Variants in NOS1 observed in about 807,000 individuals in gnomAD.
The protein encoded by NOS1 is nitric oxide synthase 1.
A neutral mutation model predicts 164.5 loss-of-function variants in NOS1; 51 were observed. That is an observed-to-expected ratio of 0.31 (90% CI 0.25 to 0.39). NOS1 has a LOEUF of 0.39. NOS1 is among the 10% of genes least tolerant of loss of function. The probability of loss-of-function intolerance (pLI) is 1.00; values close to 1 mark genes in which losing one functional copy is unlikely to be tolerated. For synonymous variants in NOS1, 719 were observed against 745.8 expected (o/e 0.96, Z 0.59); for missense variants, 1,362 against 1,885.6 (o/e 0.72, Z 5.14).
chr12:117,292,088 C>G (rs1325725048), intron 3 of NOS1, among the ~76,000 whole-genome samples: 2 of 152,008 alleles, frequency 1.3e-5, no homozygotes. Context: ...TTATTGAGCA[C>G]CTATTATAAT....
chr12:117,227,334 T>G, intron 23 of NOS1, 97 bp downstream of exon 23: 5 of 1,134,868 alleles, frequency 4.4e-6, no homozygotes, highest in Non-Finnish European at 5.1e-6. Flanking sequence ...TTCCCAGGGA[T>G]TTGGGATTTA....
intron 1 of NOS1, among the ~76,000 whole-genome samples, chr12:117,338,576 C>T (rs1875950855): frequency 6.6e-6 from 1 of 151,838 alleles, no homozygotes; most frequent in Admixed American, 6.6e-5. Flanking sequence ...AACTAACCTG[C>T]ACATTGTGCA....
intron 22 of NOS1, among the ~76,000 whole-genome samples, chr12:117,228,726 C>T (rs896465538): frequency 6.6e-6 from 1 of 152,136 alleles, no homozygotes; most frequent in Non-Finnish European, 1.5e-5. Context: ...CAAAGATTTT[C>T]ACCATGTTCC....
intron 3 of NOS1, among the ~76,000 whole-genome samples, chr12:117,309,882 C>T (rs11068447): frequency 0.14 from 20,672 of 152,138 alleles, 1,634 homozygotes; most frequent in East Asian, 0.26. Context: ...GCCCAACAAT[C>T]CCACTTCTAG....
At chr12:117,244,259 T>G (rs546813264) in intron 18 of NOS1, among the ~76,000 whole-genome samples, 4 of 152,308 alleles carry the variant, frequency 2.6e-5, no homozygotes, top group African/African-American at 9.6e-5. Flanking sequence ...TATTTATTTA[T>G]TTAAGACAGA....
chr12:117,331,034 C>A lies in NOS1; in HGVS notation c.36G>T (p.Gln12His), dbSNP rs569264110. ...AGAGACGAACAGAAATGACATTGGGCTGGATTTGCTGAACACCGAACATGT... is the reference window on the plus strand; with the variant it reads ...AGAGACGAACAGAAATGACATTGGGATGGATTTGCTGAACACCGAACATGT... ...EDHMFGVQQI[Q>H]PNVISVRLFK... Residue 12 changes from glutamine to histidine, a missense_variant, in exon 2 of 29, where the codon CAG becomes CAT. Around this residue, in one of 4 missense-constraint regions of NOS1, gnomAD observed 362 missense variants for 402.0 expected, o/e 0.90. Coordinates refer to ENST00000317775, the MANE Select transcript of NOS1 (RefSeq NM_000620.5). The A allele has an allele frequency of 1.2e-6, 2 of 1,613,722 alleles. No individual in the cohort carries two copies. Among genetic ancestry groups the A allele is most frequent in the Admixed American group, 3.3e-5 (2 of 60,016 alleles).
At chr12:117,224,521 G>A (rs533062800) in intron 25 of NOS1, among the ~76,000 whole-genome samples, 8 of 152,256 alleles carry the variant, frequency 5.3e-5, no homozygotes, top group South Asian at 4.1e-4. Context: ...TCCTGACCTC[G>A]TGATCCGCTG....
At chr12:117,216,891 G>A (rs1956620020) in intron 28 of NOS1, among the ~76,000 whole-genome samples, 1 of 152,130 alleles carries the variant, frequency 6.6e-6, no homozygotes, top group Non-Finnish European at 1.5e-5. Context: ...GGAAAACAAA[G>A]AAGATGCCAA....
In NOS1 at chr12:117,213,214, C is replaced by T; in HGVS notation, c.*2095G>A. The T allele has an allele frequency of 1.0e-6, 1 of 985,440 alleles. No homozygotes were observed. The highest frequency in any genetic ancestry group is 1.2e-6 in the Non-Finnish European group (1 of 829,956). The allele number at this position is 985,440 out of a possible 1,614,324, so 61.0% of individuals were successfully genotyped here. A position where few individuals can be genotyped will look rare whatever the true frequency, so the allele number is the denominator to read the frequency against. ...ATTTGTCTTTAATGGGGATTGGACACAACAGTTTCCTTCCCTGGGGAATTG... is the reference window on the plus strand; with the variant it reads ...ATTTGTCTTTAATGGGGATTGGACATAACAGTTTCCTTCCCTGGGGAATTG... On this transcript the variant is annotated 3_prime_UTR_variant, in exon 29 of 29. Transcript: ENST00000317775.
chr12:117,298,345 G>A (rs1012234507), intron 3 of NOS1, among the ~76,000 whole-genome samples: 5 of 152,110 alleles, frequency 3.3e-5, no homozygotes, highest in African/African-American at 4.8e-5. Flanking sequence ...TAATGCGAGC[G>A]ATGGGGGCAG....
chr12:117,314,645 C>T (rs1874591782), intron 2 of NOS1, among the ~76,000 whole-genome samples: 1 of 152,112 alleles, frequency 6.6e-6, no homozygotes, highest in East Asian at 1.9e-4. Flanking sequence ...CTTGCTTTAT[C>T]ACCCAGGCGG....
chr12:117,240,205 C>T (rs1870057105), intron 20 of NOS1, among the ~76,000 whole-genome samples: 1 of 152,106 alleles, frequency 6.6e-6, no homozygotes, highest in Non-Finnish European at 1.5e-5. Context: ...AATATGGAGC[C>T]CCTCTCTGCA....
chr12:117,361,523 G>C lies in NOS1; in HGVS notation c.-432C>G, dbSNP rs1386460335. ...CGCCCCTGGCTCACCCCGTCCGCTC[G>C]GCCGCTGCTCGCTGCCCGGCCGCCC... On this transcript the variant is annotated 5_prime_UTR_variant, in exon 1 of 29. Transcript: ENST00000317775. 1 of 152,038 alleles carries C rather than the reference G, an allele frequency of 6.6e-6. No individual in the cohort carries two copies. Among genetic ancestry groups the C allele is most frequent in the African/African-American group, 2.4e-5 (1 of 41,390 alleles). 9.4% of individuals were successfully genotyped at this position (152,038 alleles called of 1,614,324 possible).
In NOS1 at chr12:117,272,563, C is replaced by G; in HGVS notation, c.1665-4G>C. On this transcript the variant is annotated splice_region_variant and splice_polypyrimidine_tract_variant and intron_variant, in intron 9 of 28. Coordinates refer to ENST00000317775, the MANE Select transcript of NOS1 (RefSeq NM_000620.5). The surrounding 1 kb of genome is among the most constrained non-coding windows in gnomAD (Gnocchi z 4.3). ...CAGGTCCTTGAACCACTCAAACCTG[C>G]AGGGAGCAACAGGGCCCAGCTCACC... 1 of 1,611,516 alleles carries G rather than the reference C, an allele frequency of 6.2e-7. No homozygotes were observed.
intron 2 of NOS1, among the ~76,000 whole-genome samples, chr12:117,320,731 T>C (rs979387564): frequency 2.6e-5 from 4 of 152,124 alleles, no homozygotes; most frequent in African/African-American, 9.7e-5. Context: ...CTCCCTCCAC[T>C]CACTATGCTC....
Position 117,288,110 on chromosome 12 carries a change from T to C in NOS1, c.1091A>G (p.Lys364Arg). Reference protein sequence around the residue: ...RTKGQLFPLAKEFIDQYYSSI... With the variant: ...RTKGQLFPLAREFIDQYYSSI... ...TGAATAGTATTGATCAATAAACTCT[T>C]TGGCGAGAGGGAAGAGCTGTCCTTT... Residue 364 changes from lysine (K) to arginine (R), a missense_variant, in exon 5 of 29, where the codon AAA becomes AGA. Coordinates refer to ENST00000317775, the MANE Select transcript of NOS1 (RefSeq NM_000620.5). The C allele has an allele frequency of 6.2e-7, 1 of 1,614,228 alleles. No homozygotes were observed.
intron 25 of NOS1, 25 bp from the exon 26 acceptor site, chr12:117,222,888 C>T: frequency 6.2e-7 from 1 of 1,608,046 alleles, no homozygotes; most frequent in South Asian, 1.1e-5. Context: ...GACCTTATGT[C>T]ACCGATGGCT....
Position 117,208,490 on chromosome 12 carries a change from G to A in NOS1, c.*6819C>T. ...CCCGGAACGGACACTGCGACGTGGG[G>A]TGCCCGGCACCGCTCTTTGGGCCTT... On this transcript the variant is annotated 3_prime_UTR_variant, in exon 29 of 29. Transcript: ENST00000317775. 7.9e-7 allele frequency: 1 copy of A among 1,258,966 alleles called. No individual in the cohort carries two copies. The highest frequency in any genetic ancestry group is 1.0e-6 in the Non-Finnish European group (1 of 970,644). The allele number at this position is 1,258,966 out of a possible 1,614,324, so 78.0% of individuals were successfully genotyped here.
At chr12:117,297,350 G>A (rs975256706) in intron 3 of NOS1, among the ~76,000 whole-genome samples, 2 of 152,144 alleles carry the variant, frequency 1.3e-5, no homozygotes, top group Non-Finnish European at 2.9e-5. Flanking sequence ...GGAGAGGATC[G>A]GGGCAAAGGA....
Sources: gnomAD v4.1 joint callset for allele counts (sites outside exome capture counted in the v4.1 genomes callset) on GRCh38, gnomAD v4.1.1 for gene constraint, gnomAD v4.1.1 regional missense constraint, Gnocchi (gnomAD v3.1) non-coding constraint, MANE v1.5 for transcripts, NCBI Gene and HGNC (gene_info 2026-07-23, HGNC 2026-07-21) for gene names.